Variants in BNC2 observed in about 807,000 individuals in gnomAD.
BNC2 encodes the protein zinc finger protein basonuclin-2.
In BNC2, 20 loss-of-function variants were observed where a neutral mutation model predicts 76.3. The ratio of observed to expected loss-of-function variants is 0.26; its 90% CI spans 0.18 to 0.38. The LOEUF (loss-of-function observed/expected upper bound fraction) is 0.38. Ranked by LOEUF, BNC2 falls within the 10% of genes least tolerant of loss-of-function variation. BNC2 has a pLI of 1.00. For missense variants in BNC2, 1,382 were observed against 1,399.8 expected (o/e 0.99, Z 0.20); for synonymous variants, 582 against 514.8 (o/e 1.13, Z -1.77).
At chr9:16,721,929 T>G (rs1039806823) in intron 3 of BNC2, among the ~76,000 whole-genome samples, 3 of 152,186 alleles carry the variant, frequency 2.0e-5, no homozygotes, top group African/African-American at 7.2e-5. Context: ...TGTGCTAATC[T>G]AGAGTGCCAA....
chr9:16,824,017 C>T (rs1018861357), intron 1 of BNC2, among the ~76,000 whole-genome samples: 1 of 152,128 alleles, frequency 6.6e-6, no homozygotes, highest in Admixed American at 6.5e-5. Flanking sequence ...GCATAGATTA[C>T]ACATATGTCC....
chr9:16,543,095 G>C (rs1465924191), intron 5 of BNC2, among the ~76,000 whole-genome samples: 1 of 152,096 alleles, frequency 6.6e-6, no homozygotes, highest in African/African-American at 2.4e-5. Flanking sequence ...AAACGTATGG[G>C]CAACTGGAAG....
chr9:16,683,994 T>C (rs1050094417), intron 3 of BNC2, among the ~76,000 whole-genome samples: 4 of 152,190 alleles, frequency 2.6e-5, no homozygotes, highest in Non-Finnish European at 5.9e-5. Context: ...AACCCCACAA[T>C]CTGGTTCATC....
At chr9:16,747,784 A>G (rs1825054831) in intron 1 of BNC2, among the ~76,000 whole-genome samples, 1 of 152,228 alleles carries the variant, frequency 6.6e-6, no homozygotes, top group Admixed American at 6.5e-5. Context: ...ATCTGGTAAT[A>G]TCTTTAGGCT....
chr9:16,482,468 C>T (rs796394059), intron 5 of BNC2, among the ~76,000 whole-genome samples: 3 of 151,106 alleles, frequency 2.0e-5, no homozygotes, highest in African/African-American at 7.3e-5. Context: ...AAAAAAAAAA[C>T]CCTCTTCTTA....
chr9:16,412,902 G>A lies in BNC2; in HGVS notation c.*6087C>T, dbSNP rs978832396. The A allele has an allele frequency of 6.6e-6, 1 of 152,640 alleles. No homozygotes were observed. The highest frequency in any genetic ancestry group is 6.5e-5 in the Admixed American group (1 of 15,282). The allele number at this position is 152,640 out of a possible 1,614,324, so 9.5% of individuals were successfully genotyped here. A position where few individuals can be genotyped will look rare whatever the true frequency, so the allele number is the denominator to read the frequency against. On this transcript the variant is annotated 3_prime_UTR_variant, in exon 7 of 7. Coordinates refer to ENST00000380672, the MANE Select transcript of BNC2 (RefSeq NM_017637.6). ...ATATTTGATGGCCAAGTGCTGAACT[G>A]GAAAGCACACTATTAGTTTGTGTCC...
intron 1 of BNC2, among the ~76,000 whole-genome samples, chr9:16,810,780 C>A (rs929190246): frequency 1.3e-5 from 2 of 152,226 alleles, no homozygotes; most frequent in Middle Eastern, 3.2e-3. Context: ...TACCCTACCT[C>A]AGAGTTCCAT....
intron 1 of BNC2, among the ~76,000 whole-genome samples, chr9:16,744,171 A>G (rs1563923657): frequency 6.6e-6 from 1 of 151,918 alleles, no homozygotes. Context: ...GGTTTTCACC[A>G]TGTTAGCCAG....
At chr9:16,610,389 G>A (rs1203751392) in intron 3 of BNC2, among the ~76,000 whole-genome samples, 1 of 152,108 alleles carries the variant, frequency 6.6e-6, no homozygotes, top group East Asian at 1.9e-4. Flanking sequence ...AATACCCCCA[G>A]AAGGAATCCG....
intron 1 of BNC2, among the ~76,000 whole-genome samples, chr9:16,767,049 T>C (rs1187577871): frequency 6.6e-6 from 1 of 152,266 alleles, no homozygotes; most frequent in Non-Finnish European, 1.5e-5. Flanking sequence ...CTACCTTACA[T>C]GGCATAGTCT....
At chr9:16,425,708 G>A (rs562158971) in intron 6 of BNC2, among the ~76,000 whole-genome samples, 4 of 152,342 alleles carry the variant, frequency 2.6e-5, no homozygotes, top group Admixed American at 2.0e-4. Flanking sequence ...TTGTAACTCT[G>A]AAGACGTTAG....
intron 5 of BNC2, among the ~76,000 whole-genome samples, chr9:16,526,908 TAAAC>T (rs1817822215): frequency 6.6e-6 from 1 of 152,086 alleles, no homozygotes; most frequent in Admixed American, 6.5e-5. Context: ...TAATAAGAAA[TAAAC>T]GAAAACTGCC....
chr9:16,487,379 A>C (rs1291466769), intron 5 of BNC2, among the ~76,000 whole-genome samples: 1 of 152,234 alleles, frequency 6.6e-6, no homozygotes, highest in African/African-American at 2.4e-5. Context: ...TTAACAATTC[A>C]GAAGTTCTGA....
intron 1 of BNC2, among the ~76,000 whole-genome samples, chr9:16,783,815 A>G (rs112302291): frequency 1.9e-4 from 29 of 152,340 alleles, no homozygotes; most frequent in African/African-American, 7.0e-4. Flanking sequence ...AAACTAGATC[A>G]ATCATCCCTA....
At chr9:16,585,993 T>C (rs1351217889) in intron 3 of BNC2, among the ~76,000 whole-genome samples, 1 of 152,156 alleles carries the variant, frequency 6.6e-6, no homozygotes, top group African/African-American at 2.4e-5. Context: ...CAGAGATTAG[T>C]ATTCAGGTCT....
At position 16,436,493 on chromosome 9, in the gene BNC2, T is replaced by A. The variant is rs747429593; in HGVS notation, c.1701A>T (p.Gln567His). ...QLVFSGLKTV[Q>H]PVPPFYRSLL... Reference sequence around the variant, plus strand: ...AACTTCTATAAAATGGAGGAACTGGTTGTACAGTCTTTAGCCCAGAAAATA... The same window carrying A: ...AACTTCTATAAAATGGAGGAACTGGATGTACAGTCTTTAGCCCAGAAAATA... Residue 567 changes from glutamine to histidine, a missense_variant, in exon 6 of 7, where the codon CAA becomes CAT. Around this residue, in one of 3 missense-constraint regions of BNC2, gnomAD observed 798 missense variants for 775.5 expected, o/e 1.03. Coordinates refer to ENST00000380672, the MANE Select transcript of BNC2 (RefSeq NM_017637.6). 1 of 1,614,014 alleles carries A rather than the reference T, an allele frequency of 6.2e-7. No homozygotes were observed. The highest frequency in any genetic ancestry group is 1.1e-5 in the South Asian group (1 of 91,068).
chr9:16,476,382 C>T (rs1021128615), intron 5 of BNC2: 2 of 152,140 alleles, frequency 1.3e-5, no homozygotes, highest in African/African-American at 4.8e-5. Context: ...CCCTTTAGGT[C>T]GCCGTGGCCA....
chr9:16,611,996 T>C (rs1170157746), intron 3 of BNC2, among the ~76,000 whole-genome samples: 1 of 151,756 alleles, frequency 6.6e-6, no homozygotes, highest in Non-Finnish European at 1.5e-5. Context: ...AAATGTTTCC[T>C]TTAAATTATT....
intron 3 of BNC2, among the ~76,000 whole-genome samples, chr9:16,602,851 A>G (rs1381905894): frequency 6.6e-6 from 1 of 152,170 alleles, no homozygotes; most frequent in East Asian, 1.9e-4. Flanking sequence ...ATGGATTTTT[A>G]TCATTTGATG....
Sources: gnomAD v4.1 joint callset for allele counts (sites outside exome capture counted in the v4.1 genomes callset) on GRCh38, gnomAD v4.1.1 for gene constraint, gnomAD v4.1.1 regional missense constraint, MANE v1.5 for transcripts, NCBI Gene and HGNC (gene_info 2026-07-23, HGNC 2026-07-21) for gene names.